CLK3: variants seen among roughly 807,000 people sequenced by gnomAD.
CLK3 encodes CDC like kinase 3.
In CLK3, 24 loss-of-function variants were observed where a neutral mutation model predicts 65.2. That is an observed-to-expected ratio of 0.37 (90% CI 0.27 to 0.52). The LOEUF is 0.52. CLK3 is among the 20% of genes least tolerant of loss of function. The pLI is 0.92. For synonymous variants in CLK3, 252 were observed against 240.8 expected (o/e 1.05, Z -0.43); for missense variants, 506 against 660.0 (o/e 0.77, Z 2.56).
In CLK3 at chr15:74,624,546, T is replaced by TCACTAAAAA; in HGVS notation, c.534-356_534-355insCACTAAAAA. On this transcript the variant is annotated intron_variant, in intron 5 of 12. Coordinates refer to ENST00000395066, the MANE Select transcript of CLK3 (RefSeq NM_001130028.2). The surrounding 1 kb of genome is among the most constrained non-coding windows in gnomAD (Gnocchi z 4.2). ...CTCGGTGGGACAGCCTGGCCAGGGT[T>TCACTAAAAA]GGGGCTGCCTGGCCTATAGGTTAGG... The TCACTAAAAA allele has an allele frequency of 4.9e-6, 1 of 203,950 alleles. No individual in the cohort carries two copies. The highest frequency in any genetic ancestry group is 1.6e-4 in the South Asian group (1 of 6,406). 12.6% of individuals were successfully genotyped at this position (203,950 alleles called of 1,614,324 possible).
rs2062053225 is a variant in CLK3, at chr15:74,615,885, G to T, written c.-14G>T. On this transcript the variant is annotated 5_prime_UTR_variant, in exon 1 of 13. Coordinates refer to ENST00000395066, the MANE Select transcript of CLK3 (RefSeq NM_001130028.2). ...GGGGAGTGGGGCCTAGCTGCAGCCG[G>T]AGCCTGGGAGACGGTAAGTGTGGGC... is the stretch of plus-strand genomic sequence containing the variant. 4.8e-6 allele frequency: 6 copies of T among 1,253,794 alleles called. No homozygotes were observed. The highest frequency in any genetic ancestry group is 6.0e-6 in the Non-Finnish European group (6 of 999,402). The allele number at this position is 1,253,794 out of a possible 1,614,324, so 77.7% of individuals were successfully genotyped here.
At chr15:74,626,051 C>A in intron 7 of CLK3, 83 bp downstream of exon 7, 3 of 1,462,468 alleles carry the variant, frequency 2.1e-6, no homozygotes, top group South Asian at 1.2e-5. Context: ...CCCATTCATT[C>A]CAGCACGTTA....
chr15:74,628,926 C>T lies in CLK3; in HGVS notation c.1206-16C>T, dbSNP rs540318015. ...CTTACTACTCCCACACTTGACTCCA[C>T]CCCCTTAATTTTCAGGAAGCAGAAA... On this transcript the variant is annotated splice_polypyrimidine_tract_variant and intron_variant, in intron 11 of 12. Transcript: ENST00000395066. 37 of 1,581,796 alleles carry T rather than the reference C, an allele frequency of 2.3e-5. No homozygotes were observed. In the East Asian group the frequency reaches 3.8e-4, roughly 16 times the overall value.
intron 3 of CLK3, 142 bp downstream of exon 3, chr15:74,620,367 G>C: frequency 2.5e-6 from 3 of 1,180,796 alleles, no homozygotes; most frequent in Non-Finnish European, 3.6e-6. Context: ...TGTATGTGTT[G>C]TCTGGTCCAG....
chr15:74,626,970 G>A (rs371883562), intron 7 of CLK3: 1 of 461,072 alleles, frequency 2.2e-6, no homozygotes. Context: ...CAGGGGACCT[G>A]CATTTTCATT....
chr15:74,629,799 G>A lies in CLK3; in HGVS notation c.1389G>A (p.Leu463=). ...TTGACCCTGCCCAGCGCATCACACTGGCCGAGGCCCTGCTGCACCCCTTCT... is the reference window on the plus strand; with the variant it reads ...TTGACCCTGCCCAGCGCATCACACTAGCCGAGGCCCTGCTGCACCCCTTCT... ...LEFDPAQRIT[L]AEALLHPFFA... is the part of the protein sequence containing the mutation. Residue 463 remains leucine, a synonymous_variant, in exon 13 of 13, where the codon CTG becomes CTA. Coordinates refer to ENST00000395066, the MANE Select transcript of CLK3 (RefSeq NM_001130028.2). 6.2e-7 allele frequency: 1 copy of A among 1,613,546 alleles called. No individual in the cohort carries two copies. Among genetic ancestry groups the A allele is most frequent in the African/African-American group, 1.3e-5 (1 of 74,994 alleles).
chr15:74,608,808 C>T (rs1006902244), intron 1 of CLK3: 1 of 152,244 alleles, frequency 6.6e-6, no homozygotes, highest in African/African-American at 2.4e-5. Flanking sequence ...CATTCCCCCT[C>T]AGCCAGCTGG....
At chr15:74,616,041 C>T in intron 1 of CLK3, 143 bp downstream of exon 1, 6 of 592,006 alleles carry the variant, frequency 1.0e-5, no homozygotes, top group Non-Finnish European at 1.5e-5. Flanking sequence ...CGCGACCTCT[C>T]ACCCCTGACC....
rs1033374096 is a variant in CLK3, at chr15:74,620,106, T to C, written c.250T>C (p.Tyr84His). The change falls in exon 3 of 13, where the codon TAT (tyrosine) becomes CAT (histidine). Residue 84 changes from tyrosine to histidine, a missense_variant. This residue lies in a region of CLK3 where 181 missense variants were observed against 159.4 expected (regional missense o/e 1.14). Coordinates refer to ENST00000395066, the MANE Select transcript of CLK3 (RefSeq NM_001130028.2). ...ERSPSFGEDY[Y>H]GPSRSRHRRR... is the part of the protein sequence containing the mutation. ...GAGCCCATCCTTTGGAGAGGACTAC[T>C]ATGGACCTTCACGTTCTCGTCATCG... is the stretch of plus-strand genomic sequence containing the variant. 3.7e-6 allele frequency: 6 copies of C among 1,614,058 alleles called. No individual in the cohort carries two copies. The African/African-American group carries it at 8.0e-5, about 22-fold the overall frequency.
Position 74,624,612 on chromosome 15 carries a change from T to G in CLK3, c.534-290T>G. 4.4e-6 allele frequency: 2 copies of G among 456,232 alleles called. No homozygotes were observed. Among genetic ancestry groups the G allele is most frequent in the East Asian group, 3.8e-5 (1 of 26,340 alleles). The allele number at this position is 456,232 out of a possible 1,614,324, so 28.3% of individuals were successfully genotyped here. A position where few individuals can be genotyped will look rare whatever the true frequency, so the allele number is the denominator to read the frequency against. ...TTGGACTGGCACTGGTTAAGCAGGA[T>G]TGGCCTCTACTCTCCCACACTCCTT... On this transcript the variant is annotated intron_variant, in intron 5 of 12. Coordinates refer to ENST00000395066, the MANE Select transcript of CLK3 (RefSeq NM_001130028.2). This position sits in a 1 kb window ranked among gnomAD's most constrained non-coding sequence, Gnocchi z 4.2.
At chr15:74,626,550 T>C (rs908369727) in intron 7 of CLK3, among the ~76,000 whole-genome samples, 1 of 152,206 alleles carries the variant, frequency 6.6e-6, no homozygotes, top group African/African-American at 2.4e-5. Flanking sequence ...TGCAGGCCAC[T>C]GGGGTGGGAA....
chr15:74,611,161 C>T (rs1310607359), upstream of CLK3, among the ~76,000 whole-genome samples: 2 of 152,238 alleles, frequency 1.3e-5, no homozygotes, highest in Non-Finnish European at 2.9e-5. Context: ...CAACACCCTG[C>T]ACCCTTCCAG....
Position 74,628,042 on chromosome 15 carries a change from C to T in CLK3, c.1115C>T (p.Thr372Ile). 2 of 1,611,240 alleles carry T rather than the reference C, an allele frequency of 1.2e-6. No individual in the cohort carries two copies. The highest frequency in any genetic ancestry group is 2.2e-5 in the East Asian group (1 of 44,866). ...CTCTTTGAGTACTACCGGGGCTTCA[C>T]ACTCTTCCAGGTACAGCCACCCTGC... ...CILFEYYRGF[T>I]LFQTHENREH... The change falls in exon 10 of 13, where the codon ACA (threonine) becomes ATA (isoleucine). Residue 372 changes from threonine (T) to isoleucine (I), a missense_variant. Thr to Ile is a moderately conservative substitution (Grantham distance 89, BLOSUM62 -1). Transcript: ENST00000395066.
rs760558107 is a variant in CLK3, at chr15:74,620,209, G to A, written c.353G>A (p.Cys118Tyr). 90 of 1,613,952 alleles carry A rather than the reference G, an allele frequency of 5.6e-5. No homozygotes were observed. Among genetic ancestry groups the A allele is most frequent in the Non-Finnish European group, 7.0e-5 (83 of 1,180,036 alleles). The change falls in exon 3 of 13, where the codon TGT becomes TAT. Residue 118 changes from cysteine (C) to tyrosine (Y), a missense_variant. Physicochemically the swap from Cys to Tyr is radical, Grantham distance 194. Coordinates refer to ENST00000395066, the MANE Select transcript of CLK3 (RefSeq NM_001130028.2). ...HHCHKRRTRSCSSASSRSQQS... is the reference protein window; with the variant it reads ...HHCHKRRTRSYSSASSRSQQS... ...TGCCACAAACGCCGCACCAGGTCTT[G>A]TAGCAGCGCCTCCTCGGTGAGTGGT... is the stretch of plus-strand genomic sequence containing the variant.
chr15:74,617,490 A>G (rs2062069864), intron 1 of CLK3, among the ~76,000 whole-genome samples: 1 of 152,284 alleles, frequency 6.6e-6, no homozygotes, highest in South Asian at 2.1e-4. Flanking sequence ...TTGTTGCAAG[A>G]TGAAGCTGAC....
chr15:74,616,526 C>T (rs1392143374), intron 1 of CLK3, among the ~76,000 whole-genome samples: 1 of 152,254 alleles, frequency 6.6e-6, no homozygotes, highest in Non-Finnish European at 1.5e-5. Flanking sequence ...CCGTCCCGCC[C>T]GGGAGTCTCT....
upstream of CLK3, chr15:74,615,540 C>A: frequency 2.3e-6 from 3 of 1,284,420 alleles, no homozygotes; most frequent in Non-Finnish European, 3.0e-6. Flanking sequence ...ACGGCCAGGT[C>A]GGGGCCCCAC....
chr15:74,619,497 C>A, intron 2 of CLK3, 149 bp downstream of exon 2: 1 of 809,110 alleles, frequency 1.2e-6, no homozygotes, highest in Non-Finnish European at 1.9e-6. Flanking sequence ...CTAACCTCAC[C>A]TGCATGCCTT....
intron 3 of CLK3, chr15:74,620,528 G>C (rs987182892): frequency 3.7e-5 from 19 of 510,840 alleles, no homozygotes; most frequent in Non-Finnish European, 6.4e-5. Flanking sequence ...CAAGTGGCTG[G>C]GGACACTTCT....
Sources: gnomAD v4.1 joint callset for allele counts (sites outside exome capture counted in the v4.1 genomes callset) on GRCh38, gnomAD v4.1.1 for gene constraint, gnomAD v4.1.1 regional missense constraint, Gnocchi (gnomAD v3.1) non-coding constraint, MANE v1.5 for transcripts, NCBI Gene and HGNC (gene_info 2026-07-23, HGNC 2026-07-21) for gene names.